VWA8: variants seen among roughly 807,000 people sequenced by gnomAD.
The protein encoded by VWA8 is von Willebrand factor A domain-containing protein 8.
In VWA8, 221 loss-of-function variants were observed where a neutral mutation model predicts 241.5. The ratio of observed to expected loss-of-function variants is 0.91; its 90% CI spans 0.82 to 1.02. VWA8 has a LOEUF of 1.02. Ranked by LOEUF, VWA8 falls within the 50% of genes least tolerant of loss-of-function variation. The pLI, the probability that VWA8 is intolerant of heterozygous loss-of-function variation, is 0.00. For synonymous variants in VWA8, 852 were observed against 827.1 expected, an observed-to-expected ratio of 1.03 and a Z score of -0.52; for missense variants, 2,322 against 2,328.7, an observed-to-expected ratio of 1.00 and a Z score of 0.06.
intron 17 of VWA8, among the ~76,000 whole-genome samples, chr13:41,792,306 G>C (rs1054586303): frequency 1.3e-5 from 2 of 151,764 alleles, no homozygotes; most frequent in Non-Finnish European, 3.0e-5. Flanking sequence ...GTAGTTTATA[G>C]TGTCATATAA....
intron 39 of VWA8, among the ~76,000 whole-genome samples, chr13:41,609,237 G>C (rs2044571924): frequency 6.6e-6 from 1 of 152,132 alleles, no homozygotes; most frequent in African/African-American, 2.4e-5. Context: ...GAGTTGTGGA[G>C]AAAAGGTACA....
chr13:41,725,423 C>T (rs9590630), intron 24 of VWA8, among the ~76,000 whole-genome samples: 41,645 of 151,998 alleles, frequency 0.27, 6,264 homozygotes, highest in Non-Finnish European at 0.33. Context: ...AAGTGTCAGT[C>T]GTAGAAACTA....
intron 29 of VWA8, among the ~76,000 whole-genome samples, chr13:41,698,438 C>T (rs2045228620): frequency 6.6e-6 from 1 of 152,082 alleles, no homozygotes; most frequent in Non-Finnish European, 1.5e-5. Context: ...TATTTTTAGC[C>T]TGACTCCGGG....
At chr13:41,942,045 G>C (rs1434227652) in intron 2 of VWA8, among the ~76,000 whole-genome samples, 1 of 152,140 alleles carries the variant, frequency 6.6e-6, no homozygotes, top group South Asian at 2.1e-4. Context: ...AGAAGACCCA[G>C]AAAGCAGGAA....
At chr13:41,625,110 C>G (rs563863278) in intron 37 of VWA8, among the ~76,000 whole-genome samples, 16 of 152,246 alleles carry the variant, frequency 1.1e-4, no homozygotes, top group African/African-American at 3.9e-4. Flanking sequence ...ATATCATTAA[C>G]CAGGGAGGTG....
chr13:41,784,699 T>TATACATATACATATACATATAC (rs199691495), intron 18 of VWA8, among the ~76,000 whole-genome samples: 2 of 37,196 alleles, frequency 5.4e-5, no homozygotes, highest in African/African-American at 7.7e-5. Flanking sequence ...TACATATACA[T>TATACATATACATATACATATAC]ATATATATAT....
rs543025749 is a variant in VWA8 at position 41,944,321 on chromosome 13, C to T, written c.241+5615G>A. ...ATTTATGTAAGAAAAGGGGTTAATT[C>T]GCCCTAACCCCATCCCCATGTCCCT... On this transcript the variant is annotated intron_variant, in intron 2 of 44. Transcript: ENST00000379310. 4.4e-4 allele frequency among the ~76,000 whole-genome samples: 67 copies of T among 152,062 alleles called. No individual in the cohort carries two copies. The East Asian group carries it at 7.9e-3, about 18-fold the overall frequency.
intron 6 of VWA8, 54 bp from the exon 7 acceptor site, chr13:41,886,884 A>G: frequency 7.2e-7 from 1 of 1,379,828 alleles, no homozygotes; most frequent in African/African-American, 1.5e-5. Flanking sequence ...TAACAGATTA[A>G]ATGCAAATGT....
chr13:41,680,658 T>C (rs1331399950), intron 35 of VWA8, among the ~76,000 whole-genome samples: 3 of 152,072 alleles, frequency 2.0e-5, no homozygotes, highest in Admixed American at 1.3e-4. Flanking sequence ...CAATAAAAGG[T>C]TTGACCCTTA....
chr13:41,578,363 G>A (rs1389240763), intron 42 of VWA8, among the ~76,000 whole-genome samples: 2 of 152,204 alleles, frequency 1.3e-5, no homozygotes, highest in East Asian at 1.9e-4. Flanking sequence ...CCAATAAAAC[G>A]CTTGGGAGGA....
intron 24 of VWA8, among the ~76,000 whole-genome samples, chr13:41,725,236 A>G (rs909152415): frequency 4.6e-5 from 7 of 152,120 alleles, no homozygotes; most frequent in African/African-American, 1.7e-4. Context: ...AAAATATATC[A>G]AGGTGGGTAG....
intron 12 of VWA8, among the ~76,000 whole-genome samples, chr13:41,861,236 G>T (rs901593312): frequency 1.4e-4 from 22 of 151,950 alleles, no homozygotes; most frequent in African/African-American, 4.1e-4. Flanking sequence ...TATATGTGGA[G>T]AATGAATTCT....
intron 12 of VWA8, among the ~76,000 whole-genome samples, chr13:41,841,822 TATATATATATA>T (rs1305878568): frequency 1.4e-4 from 2 of 14,396 alleles, no homozygotes; most frequent in East Asian, 6.5e-3. Context: ...AAAAAAAAAA[TATATATATATA>T]TATATATATA....
At chr13:41,615,434 T>G (rs1316160476) in intron 37 of VWA8, among the ~76,000 whole-genome samples, 1 of 152,184 alleles carries the variant, frequency 6.6e-6, no homozygotes, top group East Asian at 1.9e-4. Context: ...GAGGGGTATT[T>G]TGCCAGTGGT....
At chr13:41,924,013 C>T (rs1876699889) in intron 2 of VWA8, among the ~76,000 whole-genome samples, 1 of 151,978 alleles carries the variant, frequency 6.6e-6, no homozygotes, top group South Asian at 2.1e-4. Context: ...AGCAAAGAAA[C>T]ATGACACCAC....
intron 26 of VWA8, among the ~76,000 whole-genome samples, chr13:41,710,570 T>C (rs932653045): frequency 2.6e-5 from 4 of 152,222 alleles, no homozygotes; most frequent in South Asian, 4.1e-4. Flanking sequence ...AAGTAGACTT[T>C]ATCATTTTTG....
chr13:41,587,622 C>A lies in VWA8; in HGVS notation c.5161G>T (p.Val1721Leu). The A allele has an allele frequency of 6.2e-7, 1 of 1,614,248 alleles. No homozygotes were observed. The highest frequency in any genetic ancestry group is 8.5e-7 in the Non-Finnish European group (1 of 1,180,046). ...TTGAAACGGTACATGCTACCAGACACATCTACCACCAGGCGCAGACGCTTG... is the reference window on the plus strand; with the variant it reads ...TTGAAACGGTACATGCTACCAGACAAATCTACCACCAGGCGCAGACGCTTG... ...KPKRLRLVVDVSGSMYRFNRM... is the reference protein window; with the variant it reads ...KPKRLRLVVDLSGSMYRFNRM... The change falls in exon 42 of 45, where the codon GTG becomes TTG. Residue 1721 changes from valine (V) to leucine (L), a missense_variant. Transcript: ENST00000379310.
chr13:41,811,507 T>C (rs543285396), intron 16 of VWA8, among the ~76,000 whole-genome samples, 167 bp from the exon 17 acceptor site: 1 of 152,316 alleles, frequency 6.6e-6, no homozygotes, highest in African/African-American at 2.4e-5. Context: ...CAATTTACAC[T>C]TAAAACATCC....
chr13:41,911,932 T>C (rs977150252), intron 3 of VWA8, 106 bp downstream of exon 3: 64 of 1,234,622 alleles, frequency 5.2e-5, no homozygotes, highest in Non-Finnish European at 6.3e-5. Flanking sequence ...AGCATTTGTT[T>C]CAAATAATGA....
Sources: gnomAD v4.1 joint callset for allele counts (sites outside exome capture counted in the v4.1 genomes callset) on GRCh38, gnomAD v4.1.1 for gene constraint, MANE v1.5 for transcripts, NCBI Gene and HGNC (gene_info 2026-07-23, HGNC 2026-07-21) for gene names.